The following UBASH3B variants were observed in gnomAD, a reference collection of about 807,000 sequenced individuals.
UBASH3B encodes the protein ubiquitin associated and SH3 domain containing B, also known as ubiquitin-associated and SH3 domain-containing protein B.
UBASH3B carries 37 observed loss-of-function variants against 83.4 expected under a neutral mutation model. The ratio of observed to expected loss-of-function variants is 0.44; its 90% CI spans 0.34 to 0.58. The LOEUF (loss-of-function observed/expected upper bound fraction) is 0.58. Among genes scored for constraint, UBASH3B ranks in the 20% least tolerant of loss-of-function variants. The pLI is 0.01. For synonymous variants in UBASH3B, 304 were observed against 318.3 expected, an observed-to-expected ratio of 0.96 and a Z score of 0.48; for missense variants, 657 against 827.2, an observed-to-expected ratio of 0.79 and a Z score of 2.52.
At chr11:122,784,065 C>G (rs1860904937) in intron 5 of UBASH3B, among the ~76,000 whole-genome samples, 1 of 151,936 alleles carries the variant, frequency 6.6e-6, no homozygotes, top group South Asian at 2.1e-4. Context: ...CTCAGCCTCC[C>G]TAGTAGCTGG....
At chr11:122,674,724 GTTTTT>G (rs35117227) in intron 1 of UBASH3B, among the ~76,000 whole-genome samples, 28,120 of 111,676 alleles carry the variant, frequency 0.25, 2,812 homozygotes, top group Middle Eastern at 0.31. Context: ...TCTGCAGTTA[GTTTTT>G]TTTTTTTTTT....
At chr11:122,714,262 T>A (rs1864237503) in intron 1 of UBASH3B, among the ~76,000 whole-genome samples, 1 of 152,240 alleles carries the variant, frequency 6.6e-6, no homozygotes, top group South Asian at 2.1e-4. Flanking sequence ...CAACAATTGC[T>A]GTCTACAGTG....
At chr11:122,658,065 A>G (rs1463044350) in intron 1 of UBASH3B, among the ~76,000 whole-genome samples, 1 of 151,776 alleles carries the variant, frequency 6.6e-6, no homozygotes, top group Admixed American at 6.6e-5. Context: ...AATCCCAGCT[A>G]CTTGGGAGGC....
intron 1 of UBASH3B, among the ~76,000 whole-genome samples, chr11:122,711,455 G>A (rs1258852224): frequency 1.3e-5 from 2 of 152,240 alleles, no homozygotes; most frequent in Non-Finnish European, 2.9e-5. Flanking sequence ...CAAGACTCAG[G>A]CAGAGTGAAG....
chr11:122,659,260 G>GA (rs1863403584), intron 1 of UBASH3B, among the ~76,000 whole-genome samples: 1 of 152,168 alleles, frequency 6.6e-6, no homozygotes, highest in Non-Finnish European at 1.5e-5. Flanking sequence ...TCTTTTGGGG[G>GA]ATCATTATTT....
chr11:122,720,163 C>T (rs547941881), intron 1 of UBASH3B, among the ~76,000 whole-genome samples: 76 of 152,334 alleles, frequency 5.0e-4, no homozygotes, highest in Non-Finnish European at 8.8e-4. Flanking sequence ...TTCCAGACTC[C>T]GTACTCAGCA....
At chr11:122,725,719 A>G (rs954782989) in intron 1 of UBASH3B, among the ~76,000 whole-genome samples, 6 of 151,920 alleles carry the variant, frequency 3.9e-5, no homozygotes, top group African/African-American at 1.5e-4. Context: ...TTTGAGACAG[A>G]GTCTCACCCT....
intron 5 of UBASH3B, among the ~76,000 whole-genome samples, chr11:122,785,384 T>TTTGA (rs1183605875): frequency 2.0e-5 from 3 of 152,236 alleles, no homozygotes; most frequent in Admixed American, 2.0e-4. Context: ...AGGAGGCAGT[T>TTTGA]TTGATTGATT....
At chr11:122,723,285 T>C (rs1860674489) in intron 1 of UBASH3B, among the ~76,000 whole-genome samples, 1 of 152,246 alleles carries the variant, frequency 6.6e-6, no homozygotes, top group Admixed American at 6.5e-5. Context: ...TCACAACACA[T>C]GAGGAAGCCG....
At chr11:122,749,320 A>G (rs1255162752) in intron 1 of UBASH3B, among the ~76,000 whole-genome samples, 3 of 152,264 alleles carry the variant, frequency 2.0e-5, no homozygotes, top group African/African-American at 7.2e-5. Flanking sequence ...TATGGATGCT[A>G]TAATTAGCAC....
chr11:122,761,779 CTTTTTTTTTTTTTTT>C (rs138806467), intron 1 of UBASH3B, among the ~76,000 whole-genome samples: 27 of 65,394 alleles, frequency 4.1e-4, no homozygotes, highest in Admixed American at 2.2e-3. Flanking sequence ...CTCCCAGATC[CTTTTTTTTTTTTTTT>C]TTTTTTTTTT....
At chr11:122,744,892 T>TGTGTGTGTGC (rs1163911669) in intron 1 of UBASH3B, among the ~76,000 whole-genome samples, 3 of 138,642 alleles carry the variant, frequency 2.2e-5, no homozygotes, top group Non-Finnish European at 4.9e-5. Context: ...TGTGTGTGTG[T>TGTGTGTGTGC]GTGTGTGCGC....
chr11:122,760,034 AC>A, intron 1 of UBASH3B, among the ~76,000 whole-genome samples: 1 of 152,226 alleles, frequency 6.6e-6, no homozygotes, highest in Non-Finnish European at 1.5e-5. Flanking sequence ...ACACTGATAT[AC>A]ATATACCTTT....
intron 12 of UBASH3B, 110 bp from the exon 13 acceptor site, chr11:122,807,957 T>G (rs1342104963): frequency 1.2e-6 from 1 of 811,088 alleles, no homozygotes; most frequent in Non-Finnish European, 2.2e-6. Context: ...GCAAATTGTC[T>G]TCTTGAGTGT....
intron 3 of UBASH3B, 126 bp downstream of exon 3, chr11:122,777,336 G>A (rs909680211): frequency 1.8e-6 from 2 of 1,082,162 alleles, no homozygotes; most frequent in African/African-American, 3.2e-5. Context: ...CCTACAGCTG[G>A]AGGGACCTTC....
At chr11:122,690,218 ATATATATATATCCAATTT>A (rs1340802159) in intron 1 of UBASH3B, among the ~76,000 whole-genome samples, 256 of 131,642 alleles carry the variant, frequency 1.9e-3, no homozygotes, top group Middle Eastern at 4.1e-3. Flanking sequence ...ATCCAATTAT[ATATATATATATCCAATTT>A]TATATATATA....
At chr11:122,674,410 T>C (rs1008140016) in intron 1 of UBASH3B, among the ~76,000 whole-genome samples, 5 of 147,634 alleles carry the variant, frequency 3.4e-5, no homozygotes, top group Admixed American at 6.9e-5. Flanking sequence ...AGACGGAGTC[T>C]AGCTCTGTTG....
chr11:122,798,072 C>T (rs1317898925), intron 9 of UBASH3B, among the ~76,000 whole-genome samples: 6 of 152,012 alleles, frequency 3.9e-5, no homozygotes, highest in Non-Finnish European at 7.4e-5. Flanking sequence ...TTGCTTGAGA[C>T]CTGGAGTTCG....
chr11:122,778,237 A>G (rs1318985615), intron 3 of UBASH3B, among the ~76,000 whole-genome samples: 1 of 152,136 alleles, frequency 6.6e-6, no homozygotes, highest in Non-Finnish European at 1.5e-5. Context: ...TCAGGTAATA[A>G]TAATGTTCCT....
Sources: allele counts gnomAD v4.1 joint callset (sites outside exome capture counted in the v4.1 genomes callset), GRCh38; gene constraint gnomAD v4.1.1; transcripts MANE v1.5; gene names NCBI Gene and HGNC (gene_info 2026-07-23, HGNC 2026-07-21).